The following GRIK5 variants were observed in gnomAD, a reference collection of about 807,000 sequenced individuals.
The protein encoded by GRIK5 is glutamate receptor ionotropic, kainate 5.
Under a neutral mutation model 97.4 loss-of-function variants are expected in GRIK5, and 43 were observed. That is an observed-to-expected ratio of 0.44 (90% CI 0.35 to 0.57). The LOEUF is 0.57. GRIK5 is among the 20% of genes least tolerant of loss of function. The probability of loss-of-function intolerance (pLI) is 0.01; values close to 1 mark genes in which losing one functional copy is unlikely to be tolerated. For missense variants in GRIK5, 1,015 were observed against 1,382.0 expected, an observed-to-expected ratio of 0.73 and a Z score of 4.21; for synonymous variants, 580 against 583.5, an observed-to-expected ratio of 0.99 and a Z score of 0.09.
At chr19:42,068,591 G>A in intron 1 of GRIK5, 1 of 414,188 alleles carries the variant, frequency 2.4e-6, no homozygotes, top group Non-Finnish European at 4.3e-6. Flanking sequence ...AGAGGGAGGA[G>A]GACAGGTGAG....
rs1266964638 is a variant in GRIK5, at chr19:42,065,109, G to A, written c.244+114C>T. On this transcript the variant is annotated intron_variant, in intron 3 of 19. Coordinates refer to ENST00000593562, the MANE Select transcript of GRIK5 (RefSeq NM_002088.5). The surrounding 1 kb of genome is among the most constrained non-coding windows in gnomAD (Gnocchi z 5.8). ...GAAGGCAGAGACAAACACAAAGAAG[G>A]GGGAGGATGGAGCTAGAAGAGGACA... 2.3e-6 allele frequency: 2 copies of A among 883,370 alleles called. No homozygotes were observed. The highest frequency in any genetic ancestry group is 2.5e-5 in the East Asian group (1 of 39,850). The allele number at this position is 883,370 out of a possible 1,614,324, so 54.7% of individuals were successfully genotyped here. A position where few individuals can be genotyped will look rare whatever the true frequency, so the allele number is the denominator to read the frequency against.
intron 11 of GRIK5, among the ~76,000 whole-genome samples, chr19:42,051,498 C>T (rs1286328618): frequency 1.3e-5 from 2 of 152,202 alleles, no homozygotes; most frequent in African/African-American, 4.8e-5. Flanking sequence ...AAGCACAGGA[C>T]AACTGAGTCC....
chr19:42,005,610 A>C (rs2075479787), intron 17 of GRIK5, 113 bp downstream of exon 17: 1 of 701,866 alleles, frequency 1.4e-6, no homozygotes, highest in South Asian at 1.7e-5. Context: ...CCAGGAGGCC[A>C]CATGCAACAC....
In GRIK5 at chr19:41,998,745, C is replaced by T; in HGVS notation, c.*126G>A. ...CTTCGCGGGGAACCAAAGGCAAAATCGCGGCGTCCGGGGCGCCGGCGCACA... is the reference window on the plus strand; with the variant it reads ...CTTCGCGGGGAACCAAAGGCAAAATTGCGGCGTCCGGGGCGCCGGCGCACA... On this transcript the variant is annotated 3_prime_UTR_variant, in exon 20 of 20. Coordinates refer to ENST00000593562, the MANE Select transcript of GRIK5 (RefSeq NM_002088.5). The T allele has an allele frequency of 8.3e-6, 3 of 359,286 alleles. No individual in the cohort carries two copies. The highest frequency in any genetic ancestry group is 1.2e-5 in the Non-Finnish European group (3 of 246,192). 22.3% of individuals were successfully genotyped at this position (359,286 alleles called of 1,614,324 possible). A position where few individuals can be genotyped will look rare whatever the true frequency, so the allele number is the denominator to read the frequency against.
chr19:42,017,223 T>A (rs756987994), intron 15 of GRIK5, among the ~76,000 whole-genome samples: 3 of 152,236 alleles, frequency 2.0e-5, no homozygotes, highest in Non-Finnish European at 2.9e-5. Context: ...AGTGGCAACA[T>A]AATTCTGTTA....
chr19:42,021,480 G>A lies in GRIK5; in HGVS notation c.1698-6C>T. 1 of 1,543,712 alleles carries A rather than the reference G, an allele frequency of 6.5e-7. No individual in the cohort carries two copies. Among genetic ancestry groups the A allele is most frequent in the Non-Finnish European group, 8.8e-7 (1 of 1,141,354 alleles). On this transcript the variant is annotated splice_region_variant and splice_polypyrimidine_tract_variant and intron_variant, in intron 14 of 19. Coordinates refer to ENST00000593562, the MANE Select transcript of GRIK5 (RefSeq NM_002088.5). The surrounding 1 kb of genome is among the most constrained non-coding windows in gnomAD (Gnocchi z 4.2). ...ACCACTCATAGGGGCTCAGCCTGTGGAGAGACGTGCAGCGTGTGGATGGGG... is the reference window on the plus strand; with the variant it reads ...ACCACTCATAGGGGCTCAGCCTGTGAAGAGACGTGCAGCGTGTGGATGGGG...
At chr19:42,017,603 C>T (rs1236685268) in intron 15 of GRIK5, among the ~76,000 whole-genome samples, 2 of 152,086 alleles carry the variant, frequency 1.3e-5, no homozygotes, top group African/African-American at 4.8e-5. Context: ...TGAAACAGGA[C>T]CAGAGAGGTT....
chr19:42,030,325 G>A (rs1296301180), intron 12 of GRIK5, among the ~76,000 whole-genome samples: 1 of 152,120 alleles, frequency 6.6e-6, no homozygotes. Flanking sequence ...GGGATTAAAG[G>A]TGCGTGCCGC....
At chr19:42,017,677 C>T (rs1482990283) in intron 15 of GRIK5, among the ~76,000 whole-genome samples, 1 of 152,080 alleles carries the variant, frequency 6.6e-6, no homozygotes, top group Non-Finnish European at 1.5e-5. Flanking sequence ...GGTGGCTAAC[C>T]GGGCGAATGC....
In GRIK5 at chr19:42,056,809, C is replaced by T; in HGVS notation, c.756G>A (p.Leu252=). The change falls in exon 8 of 20, where the codon CTG becomes CTA. Residue 252 remains leucine (L), a synonymous_variant. Coordinates refer to ENST00000593562, the MANE Select transcript of GRIK5 (RefSeq NM_002088.5). ...YILTTMDFPI[L]HLDGIVEDSS... ...AGTCCTCCACAATACCGTCCAGATGCAGGATGGGGAAGTCCTGGGACCAGG... is the reference window on the plus strand; with the variant it reads ...AGTCCTCCACAATACCGTCCAGATGTAGGATGGGGAAGTCCTGGGACCAGG... 6.2e-7 allele frequency: 1 copy of T among 1,614,066 alleles called. No individual in the cohort carries two copies. The highest frequency in any genetic ancestry group is 8.5e-7 in the Non-Finnish European group (1 of 1,180,010).
chr19:42,023,669 T>G (rs940479192), intron 12 of GRIK5, among the ~76,000 whole-genome samples: 1 of 152,156 alleles, frequency 6.6e-6, no homozygotes, highest in Non-Finnish European at 1.5e-5. Context: ...GGGCCATGCC[T>G]CGGGCCAGAC....
chr19:42,004,949 C>A (rs1330821407), intron 17 of GRIK5, among the ~76,000 whole-genome samples: 1 of 152,144 alleles, frequency 6.6e-6, no homozygotes, highest in Non-Finnish European at 1.5e-5. Flanking sequence ...GGTGTGACTC[C>A]TGAGCCTGTC....
intron 15 of GRIK5, among the ~76,000 whole-genome samples, chr19:42,019,615 G>C (rs2075672827): frequency 6.6e-6 from 1 of 152,232 alleles, no homozygotes; most frequent in South Asian, 2.1e-4. Flanking sequence ...CTGGATATGG[G>C]GGGATTACTC....
chr19:42,000,506 G>A (rs376019314), intron 19 of GRIK5, among the ~76,000 whole-genome samples: 5 of 152,196 alleles, frequency 3.3e-5, no homozygotes, highest in African/African-American at 1.2e-4. Context: ...TTGCCTCACA[G>A]GTGGGCAGAA....
intron 12 of GRIK5, among the ~76,000 whole-genome samples, chr19:42,027,261 G>A (rs1233472041): frequency 6.6e-6 from 1 of 152,244 alleles, no homozygotes; most frequent in Non-Finnish European, 1.5e-5. Flanking sequence ...CGAGGGAGAT[G>A]CTGTTTTGGA....
chr19:42,019,305 G>A (rs968667957), intron 15 of GRIK5, among the ~76,000 whole-genome samples: 5 of 152,054 alleles, frequency 3.3e-5, no homozygotes, highest in African/African-American at 4.8e-5. Context: ...TGGCATGGAC[G>A]ACTCTGTTTC....
intron 1 of GRIK5, among the ~76,000 whole-genome samples, chr19:42,068,198 T>G (rs2076366417): frequency 6.8e-6 from 1 of 146,704 alleles, no homozygotes; most frequent in Non-Finnish European, 1.5e-5. Context: ...GAAACTGAGG[T>G]GGGGAGATGG....
At chr19:42,067,479 A>G (rs1326098685) in intron 1 of GRIK5, among the ~76,000 whole-genome samples, 1 of 152,190 alleles carries the variant, frequency 6.6e-6, no homozygotes. Flanking sequence ...GGATGGAGGC[A>G]CAAGGGATGC....
Position 42,022,783 on chromosome 19 carries a change from A to C in GRIK5, c.1474-429T>G. On this transcript the variant is annotated intron_variant, in intron 12 of 19. Coordinates refer to ENST00000593562, the MANE Select transcript of GRIK5 (RefSeq NM_002088.5). This position sits in a 1 kb window ranked among gnomAD's most constrained non-coding sequence, Gnocchi z 4.2. ...GGGAGAGAGGAGGCAGGGCCCAGAA[A>C]TGACCCCGGGTGGGGAGGAAGGGTG... 2.1e-6 allele frequency: 1 copy of C among 478,390 alleles called. No homozygotes were observed. The highest frequency in any genetic ancestry group is 2.7e-6 in the Non-Finnish European group (1 of 366,750). The allele number at this position is 478,390 out of a possible 1,614,324, so 29.6% of individuals were successfully genotyped here. A position where few individuals can be genotyped will look rare whatever the true frequency, so the allele number is the denominator to read the frequency against.
Sources: gnomAD v4.1 joint callset for allele counts (sites outside exome capture counted in the v4.1 genomes callset) on GRCh38, gnomAD v4.1.1 for gene constraint, Gnocchi (gnomAD v3.1) non-coding constraint, MANE v1.5 for transcripts, NCBI Gene and HGNC (gene_info 2026-07-23, HGNC 2026-07-21) for gene names.